Variants in BMPR1B observed in about 807,000 individuals in gnomAD.
BMPR1B encodes bone morphogenetic protein receptor type 1B, also known as bone morphogenetic protein receptor type-1B.
BMPR1B carries 12 observed loss-of-function variants against 59.1 expected under a neutral mutation model. The observed-to-expected ratio is 0.20, with a 90% confidence interval of 0.13 to 0.33. BMPR1B has a LOEUF of 0.33. Among genes scored for constraint, BMPR1B ranks in the 10% least tolerant of loss-of-function variants. BMPR1B has a pLI of 1.00. For missense variants in BMPR1B, 550 were observed against 610.9 expected (o/e 0.90, Z 1.05); for synonymous variants, 237 against 207.3 (o/e 1.14, Z -1.23).
intron 1 of BMPR1B, among the ~76,000 whole-genome samples, chr4:94,772,205 T>A (rs1722211740): frequency 6.6e-6 from 1 of 152,224 alleles, no homozygotes; most frequent in South Asian, 2.1e-4. Context: ...CTGCCCATAC[T>A]GTCATCATCT....
At chr4:95,101,416 C>A (rs1358838253) in intron 3 of BMPR1B, among the ~76,000 whole-genome samples, 1 of 152,054 alleles carries the variant, frequency 6.6e-6, no homozygotes, top group Non-Finnish European at 1.5e-5. Context: ...ATACTGCTAG[C>A]GTGTAGGGAA....
chr4:94,994,438 A>T (rs755538220), intron 2 of BMPR1B, among the ~76,000 whole-genome samples: 1 of 152,186 alleles, frequency 6.6e-6, no homozygotes, highest in Non-Finnish European at 1.5e-5. Flanking sequence ...CTCTTGGCTC[A>T]GATGCTCATT....
At chr4:94,808,914 G>T (rs937273119) in intron 1 of BMPR1B, among the ~76,000 whole-genome samples, 1 of 152,066 alleles carries the variant, frequency 6.6e-6, no homozygotes, top group Non-Finnish European at 1.5e-5. Flanking sequence ...AATTAGCCGG[G>T]TGTGGTGGGG....
chr4:94,813,734 C>T (rs997960081), intron 1 of BMPR1B, among the ~76,000 whole-genome samples: 1 of 152,020 alleles, frequency 6.6e-6, no homozygotes, highest in Non-Finnish European at 1.5e-5. Context: ...TCTCAGTAGT[C>T]CAGTTGAGAG....
At chr4:94,893,054 T>C (rs1727460278) in intron 2 of BMPR1B, among the ~76,000 whole-genome samples, 1 of 152,030 alleles carries the variant, frequency 6.6e-6, no homozygotes, top group Non-Finnish European at 1.5e-5. Context: ...TGTTAATGAT[T>C]ATAAGAACAA....
At chr4:94,793,505 T>G (rs1332106902) in intron 1 of BMPR1B, among the ~76,000 whole-genome samples, 1 of 150,644 alleles carries the variant, frequency 6.6e-6, no homozygotes, top group Non-Finnish European at 1.5e-5. Flanking sequence ...TATAGCAGCA[T>G]GATTTATAGT....
chr4:95,134,663 C>T (rs1250567725), intron 10 of BMPR1B, among the ~76,000 whole-genome samples: 1 of 152,124 alleles, frequency 6.6e-6, no homozygotes, highest in East Asian at 1.9e-4. Flanking sequence ...GCATAAATGT[C>T]TTCTTTTGAG....
chr4:95,074,934 G>A (rs76486796), intron 3 of BMPR1B, among the ~76,000 whole-genome samples: 2,549 of 152,194 alleles, frequency 0.017, 61 homozygotes, highest in African/African-American at 0.054. Context: ...GAGCAAAGAA[G>A]TAAAGCATCC....
In BMPR1B at chr4:95,156,778, T is replaced by C. The variant is rs1042497205; in HGVS notation, c.*2105T>C. 6.6e-6 allele frequency: 1 copy of C among 152,190 alleles called. No homozygotes were observed. Among genetic ancestry groups the C allele is most frequent in the East Asian group, 1.9e-4 (1 of 5,190 alleles). 9.4% of individuals were successfully genotyped at this position (152,190 alleles called of 1,614,324 possible). A position where few individuals can be genotyped will look rare whatever the true frequency, so the allele number is the denominator to read the frequency against. The stretch of plus-strand genomic sequence containing the variant: ...ATAATAATGTAAAGGTTCCTTTCTC[T>C]TGTGTCAGTTATATTCTTAGGGATA... On this transcript the variant is annotated 3_prime_UTR_variant, in exon 13 of 13. Coordinates refer to ENST00000515059, the MANE Select transcript of BMPR1B (RefSeq NM_001203.3).
chr4:94,984,846 C>T (rs1235234312), intron 2 of BMPR1B, among the ~76,000 whole-genome samples: 1 of 152,192 alleles, frequency 6.6e-6, no homozygotes, highest in East Asian at 1.9e-4. Flanking sequence ...AAGAAGGAGA[C>T]AGCAAGCAAT....
intron 2 of BMPR1B, among the ~76,000 whole-genome samples, chr4:94,883,673 ATTAT>A (rs1727066221): frequency 6.6e-6 from 1 of 152,074 alleles, no homozygotes; most frequent in South Asian, 2.1e-4. Flanking sequence ...TGTGCTAATA[ATTAT>A]TTAGTCCCTT....
intron 3 of BMPR1B, among the ~76,000 whole-genome samples, chr4:95,031,603 G>A (rs1724861573): frequency 1.3e-5 from 2 of 151,994 alleles, no homozygotes; most frequent in Non-Finnish European, 2.9e-5. Flanking sequence ...GGACTACAGG[G>A]ACACAACACC....
chr4:94,999,897 C>T (rs1446814246), intron 3 of BMPR1B, among the ~76,000 whole-genome samples: 8 of 152,034 alleles, frequency 5.3e-5, no homozygotes, highest in Non-Finnish European at 1.2e-4. Flanking sequence ...AGAAGTTGCT[C>T]CTCAAAATAG....
chr4:94,808,826 G>A (rs979620168), intron 1 of BMPR1B, among the ~76,000 whole-genome samples: 11 of 152,300 alleles, frequency 7.2e-5, no homozygotes, highest in East Asian at 1.9e-4. Flanking sequence ...GGAGGCCAAG[G>A]CGGGCGGATC....
intron 1 of BMPR1B, among the ~76,000 whole-genome samples, chr4:94,791,782 T>C (rs1415300457): frequency 6.6e-6 from 1 of 152,050 alleles, no homozygotes; most frequent in Admixed American, 6.6e-5. Flanking sequence ...TCTTGAACAT[T>C]TAACCTTTCC....
intron 2 of BMPR1B, among the ~76,000 whole-genome samples, chr4:94,988,592 C>T (rs1721550067): frequency 6.6e-6 from 1 of 152,072 alleles, no homozygotes; most frequent in African/African-American, 2.4e-5. Context: ...TCCATGTTTA[C>T]AACTTACATA....
chr4:94,924,863 G>A (rs1022447533), intron 2 of BMPR1B, among the ~76,000 whole-genome samples: 4 of 151,978 alleles, frequency 2.6e-5, no homozygotes, highest in Non-Finnish European at 4.4e-5. Context: ...AGTGATGTGA[G>A]CCAAAAAATC....
intron 1 of BMPR1B, among the ~76,000 whole-genome samples, chr4:94,849,513 TTTG>T (rs1243272256): frequency 1.3e-5 from 2 of 152,120 alleles, no homozygotes; most frequent in Non-Finnish European, 2.9e-5. Flanking sequence ...GAGAGTTTTC[TTTG>T]TTGTTGTTTT....
At chr4:94,980,814 G>A (rs1721010637) in intron 2 of BMPR1B, among the ~76,000 whole-genome samples, 1 of 152,168 alleles carries the variant, frequency 6.6e-6, no homozygotes, top group African/African-American at 2.4e-5. Context: ...AGGGAAGACA[G>A]GTACTTAATA....
Sources: allele counts gnomAD v4.1 joint callset (sites outside exome capture counted in the v4.1 genomes callset), GRCh38; gene constraint gnomAD v4.1.1; transcripts MANE v1.5; gene names NCBI Gene and HGNC (gene_info 2026-07-23, HGNC 2026-07-21).